ESR1: variants seen among roughly 807,000 people sequenced by gnomAD.
The protein encoded by ESR1 is estrogen receptor.
ESR1 carries 12 observed loss-of-function variants against 52.7 expected under a neutral mutation model. The ratio of observed to expected loss-of-function variants is 0.23; its 90% confidence interval spans 0.15 to 0.37. ESR1 has a LOEUF of 0.37. Ranked by LOEUF, ESR1 falls within the 10% of genes least tolerant of loss-of-function variation. The pLI is 1.00. For missense variants in ESR1, 584 were observed against 779.7 expected, an observed-to-expected ratio of 0.75 and a Z score of 2.99; for synonymous variants, 305 against 316.8, an observed-to-expected ratio of 0.96 and a Z score of 0.39.
At chr6:151,851,967 T>A (rs556278417) in intron 2 of ESR1, among the ~76,000 whole-genome samples, 2 of 152,308 alleles carry the variant, frequency 1.3e-5, no homozygotes, top group Non-Finnish European at 2.9e-5. Context: ...CTTTTTGGTA[T>A]TTGTGAAATG....
rs891041901 is a variant in ESR1 at position 151,680,570 on chromosome 6, A to G, written n.74-21305A>G. Among the ~76,000 whole-genome samples the G allele has an allele frequency of 7.2e-5, 11 of 152,242 alleles. No homozygotes were observed. The South Asian group carries it at 1.5e-3, about 20-fold the overall frequency. On this transcript the variant is annotated intron_variant and non_coding_transcript_variant, in intron 1 of 2. Transcript: ENST00000473497. The stretch of plus-strand genomic sequence containing the variant: ...AAAGAGCTCTTTTGTTTCTTTTATG[A>G]GAGCACTAATCCCATCACAAGGCCC...
At chr6:151,808,873 G>C (rs764738913) in intron 1 of ESR1, among the ~76,000 whole-genome samples, 16 of 152,230 alleles carry the variant, frequency 1.1e-4, no homozygotes, top group Admixed American at 2.6e-4. Flanking sequence ...TATTTGATTG[G>C]AAATATGTCA....
At chr6:151,832,094 T>C (rs909022695) in intron 1 of ESR1, among the ~76,000 whole-genome samples, 4 of 152,214 alleles carry the variant, frequency 2.6e-5, no homozygotes, top group African/African-American at 7.2e-5. Flanking sequence ...ATAAATATTG[T>C]ATCACTAAAT....
chr6:151,869,347 A>G (rs1411848492), intron 2 of ESR1, among the ~76,000 whole-genome samples: 2 of 152,140 alleles, frequency 1.3e-5, no homozygotes, highest in African/African-American at 4.8e-5. Context: ...AGTCGTCACA[A>G]TTCTCTCCTC....
chr6:152,117,344 G>C (rs2051222271), intron 6 of ESR1, among the ~76,000 whole-genome samples: 1 of 152,220 alleles, frequency 6.6e-6, no homozygotes, highest in Non-Finnish European at 1.5e-5. Context: ...ATTTAAGCCT[G>C]AGCTGGGAAC....
chr6:151,865,478 A>T (rs919666520), intron 2 of ESR1, among the ~76,000 whole-genome samples: 4 of 152,232 alleles, frequency 2.6e-5, no homozygotes, highest in Non-Finnish European at 4.4e-5. Context: ...TTCACCCAGG[A>T]TCGCATGGAG....
chr6:151,683,549 C>G (rs1778536388), intron 1 of ESR1, among the ~76,000 whole-genome samples: 1 of 152,010 alleles, frequency 6.6e-6, no homozygotes, highest in East Asian at 1.9e-4. Context: ...CCCAGGTAGC[C>G]TGCAATCAAC....
At chr6:151,663,437 A>C (rs1777709500) in intron 1 of ESR1, among the ~76,000 whole-genome samples, 1 of 152,244 alleles carries the variant, frequency 6.6e-6, no homozygotes, top group South Asian at 2.1e-4. Context: ...GAACTTGACT[A>C]GCATTGACTC....
intron 6 of ESR1, among the ~76,000 whole-genome samples, chr6:152,124,671 G>A (rs771084115): frequency 5.5e-5 from 8 of 144,520 alleles, no homozygotes; most frequent in Non-Finnish European, 1.2e-4. Flanking sequence ...TAAGACCAAT[G>A]AGTTATTCCT....
chr6:151,702,908 TG>T (rs1779904512), intron 2 of ESR1, among the ~76,000 whole-genome samples: 1 of 152,214 alleles, frequency 6.6e-6, no homozygotes, highest in South Asian at 2.1e-4. Flanking sequence ...GTAGCAGGCA[TG>T]TGATATAAAA....
chr6:152,027,059 C>T (rs915785436), intron 5 of ESR1, among the ~76,000 whole-genome samples: 9 of 151,876 alleles, frequency 5.9e-5, no homozygotes, highest in South Asian at 2.1e-4. Context: ...TTCTGCCTCC[C>T]GGGTTCCAGC....
intron 1 of ESR1, among the ~76,000 whole-genome samples, chr6:151,833,188 CA>C (rs1412808741): frequency 6.6e-6 from 1 of 152,086 alleles, no homozygotes; most frequent in Non-Finnish European, 1.5e-5. Context: ...TTAACCATCA[CA>C]GGGAAGGGTA....
chr6:151,809,173 G>A (rs1382805018), intron 1 of ESR1: 1 of 454,018 alleles, frequency 2.2e-6, no homozygotes, highest in African/African-American at 2.0e-5. Context: ...GCCCCGGAGT[G>A]GCGTGCGGGT....
At chr6:152,050,191 A>C (rs950978112) in intron 5 of ESR1, among the ~76,000 whole-genome samples, 1 of 152,234 alleles carries the variant, frequency 6.6e-6, no homozygotes, top group Non-Finnish European at 1.5e-5. Flanking sequence ...CAGCTTCTTC[A>C]GCAAGATCTG....
At chr6:151,701,145 C>T (rs928451630) in intron 1 of ESR1, among the ~76,000 whole-genome samples, 13 of 151,954 alleles carry the variant, frequency 8.6e-5, no homozygotes, top group African/African-American at 3.1e-4. Context: ...AAAATCATAC[C>T]TATCACAGCC....
At chr6:152,021,289 ATT>A (rs908534248) in intron 5 of ESR1, among the ~76,000 whole-genome samples, 1 of 152,090 alleles carries the variant, frequency 6.6e-6, no homozygotes, top group African/African-American at 2.4e-5. Flanking sequence ...GCCCTTGAGC[ATT>A]GGACTCCAAA....
upstream of ESR1, chr6:151,805,020 T>C (rs1777646159): frequency 6.6e-6 from 1 of 152,186 alleles, no homozygotes; most frequent in South Asian, 2.1e-4. Flanking sequence ...TTATCTTATG[T>C]TCATATCCTA....
intron 1 of ESR1, among the ~76,000 whole-genome samples, chr6:151,811,967 G>C (rs1336342921): frequency 6.6e-6 from 1 of 152,116 alleles, no homozygotes; most frequent in Non-Finnish European, 1.5e-5. Flanking sequence ...TTGGATCCCT[G>C]GCTAAAGTTG....
At position 152,067,415 on chromosome 6, in the gene ESR1, G is replaced by A. The variant is rs77252612; in HGVS notation, c.1369+6291G>A. Among the ~76,000 whole-genome samples the A allele has an allele frequency of 4.2e-3, 642 of 152,316 alleles. 5 individuals are homozygous for A. The highest frequency in any genetic ancestry group is 0.014 in the African/African-American group (600 of 41,560). ...CACATTCAGCACCTCAGGAGGAGAA[G>A]CTGCCTATCACTTTGTGTCCTCAAG... is the stretch of plus-strand genomic sequence containing the variant. On this transcript the variant is annotated intron_variant, in intron 6 of 7. Coordinates refer to ENST00000206249, the MANE Select transcript of ESR1 (RefSeq NM_000125.4).
Sources: gnomAD v4.1 joint callset for allele counts (sites outside exome capture counted in the v4.1 genomes callset) on GRCh38, gnomAD v4.1.1 for gene constraint, MANE v1.5 for transcripts, NCBI Gene and HGNC (gene_info 2026-07-23, HGNC 2026-07-21) for gene names.